The following MMS22L variants were observed in gnomAD, a reference collection of about 807,000 sequenced individuals.
The protein encoded by MMS22L is MMS22 like, DNA repair protein.
Under a neutral mutation model 159.1 loss-of-function variants are expected in MMS22L, and 74 were observed. The observed-to-expected ratio is 0.47, with a 90% CI of 0.39 to 0.56. MMS22L has a LOEUF of 0.56. Ranked by LOEUF, MMS22L falls within the 20% of genes least tolerant of loss-of-function variation. The pLI is 0.00. For synonymous variants in MMS22L, 517 were observed against 506.9 expected (o/e 1.02, Z -0.27); for missense variants, 1,351 against 1,422.1 (o/e 0.95, Z 0.80).
intron 14 of MMS22L, among the ~76,000 whole-genome samples, chr6:97,199,703 T>C (rs960285004): frequency 3.3e-5 from 5 of 152,008 alleles, no homozygotes; most frequent in Admixed American, 2.6e-4. Context: ...TGACTTGTTT[T>C]TTTTTTTCTT....
chr6:97,213,034 G>A (rs1808557056), intron 14 of MMS22L, among the ~76,000 whole-genome samples: 1 of 152,140 alleles, frequency 6.6e-6, no homozygotes, highest in Non-Finnish European at 1.5e-5. Flanking sequence ...AACAGTGCAT[G>A]AGCACATTGT....
rs1439000113 is a variant in MMS22L at position 97,162,107 on chromosome 6, C to T, written c.3280G>A (p.Ala1094Thr). ...TCCTTGAAGAGTTGGAGGATGAAGG[C>T]CAGAATGGATGCTAAGCGAGGAGGA... ...SPPPRLASIL[A>T]FILQLFKETN... The change falls in exon 22 of 25, where the codon GCC (alanine) becomes ACC (threonine). Residue 1094 changes from alanine to threonine, a missense_variant. Transcript: ENST00000683635. The T allele has an allele frequency of 1.2e-6, 2 of 1,611,754 alleles. No individual in the cohort carries two copies. Among genetic ancestry groups the T allele is most frequent in the Non-Finnish European group, 1.7e-6 (2 of 1,178,922 alleles).
At chr6:97,179,149 C>T (rs1301647535) in intron 17 of MMS22L, among the ~76,000 whole-genome samples, 1 of 152,014 alleles carries the variant, frequency 6.6e-6, no homozygotes, top group Non-Finnish European at 1.5e-5. Flanking sequence ...AAGCAAATTT[C>T]TGTCCTTGGC....
chr6:97,258,605 C>T (rs1471999040), intron 9 of MMS22L: 2 of 151,994 alleles, frequency 1.3e-5, no homozygotes, highest in African/African-American at 4.8e-5. Context: ...TTCATGCTGG[C>T]TTTCCTTCTT....
chr6:97,259,193 C>T (rs1000549630), intron 9 of MMS22L: 5 of 152,150 alleles, frequency 3.3e-5, no homozygotes, highest in African/African-American at 1.2e-4. Context: ...TTATTTCTAT[C>T]ATTTAACAAT....
At position 97,254,711 on chromosome 6, in the gene MMS22L, T is replaced by C; in HGVS notation, c.965A>G (p.Lys322Arg). The change falls in exon 10 of 25, where the codon AAA becomes AGA. Residue 322 changes from lysine (K) to arginine (R), a missense_variant. Physicochemically the swap from Lys to Arg is conservative, Grantham distance 26. Transcript: ENST00000683635. The stretch of plus-strand genomic sequence containing the variant: ...TTTTTCAAGCAGTGTTTTAAGTAGT[T>C]TATTCAACCAGTTCCAAAATGACTA... The part of the protein sequence containing the change: ...VSESFWNWLN[K>R]LLKTLLEKSS... 1 of 1,603,882 alleles carries C rather than the reference T, an allele frequency of 6.2e-7. No homozygotes were observed. Among genetic ancestry groups the C allele is most frequent in the Non-Finnish European group, 8.5e-7 (1 of 1,176,920 alleles).
In MMS22L at chr6:97,143,023, A is replaced by G. The variant is rs1007922948; in HGVS notation, c.*3783T>C. Reference sequence around the variant, plus strand: ...TCTAATGCAAATGAACTCAATACTGAATGACTTTTCCACAGTCCTCCATGC... The same window carrying G: ...TCTAATGCAAATGAACTCAATACTGGATGACTTTTCCACAGTCCTCCATGC... On this transcript the variant is annotated 3_prime_UTR_variant, in exon 25 of 25. Transcript: ENST00000683635. The G allele has an allele frequency of 3.9e-5, 6 of 152,578 alleles. No homozygotes were observed. Among genetic ancestry groups the G allele is most frequent in the African/African-American group, 1.2e-4 (5 of 41,444 alleles). 9.5% of individuals were successfully genotyped at this position (152,578 alleles called of 1,614,324 possible). A position where few individuals can be genotyped will look rare whatever the true frequency, so the allele number is the denominator to read the frequency against.
chr6:97,233,375 A>G (rs2128004531), intron 12 of MMS22L, among the ~76,000 whole-genome samples: 1 of 152,224 alleles, frequency 6.6e-6, no homozygotes, highest in East Asian at 1.9e-4. Flanking sequence ...GCCAAGTTCA[A>G]AAATTATGAC....
At chr6:97,260,567 T>C (rs975844064) in intron 9 of MMS22L, 1 of 152,246 alleles carries the variant, frequency 6.6e-6, no homozygotes, top group African/African-American at 2.4e-5. Context: ...GAGTATCTTA[T>C]TCAAGGTGTT....
intron 20 of MMS22L, among the ~76,000 whole-genome samples, chr6:97,166,431 AT>A (rs1802963763): frequency 1.3e-5 from 2 of 152,138 alleles, no homozygotes; most frequent in African/African-American, 2.4e-5. Context: ...CCAATAAGAA[AT>A]TCTGAAAGTT....
At chr6:97,219,412 C>T (rs1809384732) in intron 14 of MMS22L, among the ~76,000 whole-genome samples, 1 of 152,186 alleles carries the variant, frequency 6.6e-6, no homozygotes, top group South Asian at 2.1e-4. Context: ...CTTTCTGCTG[C>T]TATCCACTAC....
chr6:97,190,532 T>C (rs1805758142), intron 14 of MMS22L, among the ~76,000 whole-genome samples: 1 of 152,164 alleles, frequency 6.6e-6, no homozygotes, highest in Non-Finnish European at 1.5e-5. Flanking sequence ...ATTTGCTGAA[T>C]GTCAAGTTAT....
intron 11 of MMS22L, among the ~76,000 whole-genome samples, chr6:97,238,633 G>A (rs1811707449): frequency 6.7e-6 from 1 of 150,196 alleles, no homozygotes; most frequent in Non-Finnish European, 1.5e-5. Flanking sequence ...GAGAGAATAT[G>A]AGCTATTTAA....
chr6:97,268,840 T>A (rs1469387639), intron 7 of MMS22L, among the ~76,000 whole-genome samples: 2 of 152,064 alleles, frequency 1.3e-5, no homozygotes, highest in African/African-American at 4.8e-5. Flanking sequence ...TACATCTTCA[T>A]ATGTTTCTGT....
intron 18 of MMS22L, among the ~76,000 whole-genome samples, chr6:97,175,263 A>G (rs1307593897): frequency 6.6e-6 from 1 of 152,220 alleles, no homozygotes; most frequent in African/African-American, 2.4e-5. Flanking sequence ...TTTATGCCTG[A>G]CTTAATAAAA....
intron 14 of MMS22L, among the ~76,000 whole-genome samples, chr6:97,206,635 C>T (rs1207615169): frequency 6.6e-6 from 1 of 152,062 alleles, no homozygotes; most frequent in Non-Finnish European, 1.5e-5. Flanking sequence ...CAAAAGTACA[C>T]TTGGAGAAGT....
intron 12 of MMS22L, 50 bp downstream of exon 12, chr6:97,233,811 T>G: frequency 1.3e-6 from 2 of 1,546,218 alleles, no homozygotes; most frequent in Non-Finnish European, 1.7e-6. Context: ...TCCTCAAATA[T>G]GTACAAATTT....
chr6:97,202,567 G>GT (rs1807294596), intron 14 of MMS22L, among the ~76,000 whole-genome samples: 1 of 151,980 alleles, frequency 6.6e-6, no homozygotes, highest in African/African-American at 2.4e-5. Context: ...TTCTAATTTG[G>GT]TTTTTTAGAT....
At position 97,282,423 on chromosome 6, in the gene MMS22L, G is replaced by C; in HGVS notation, c.55C>G (p.Leu19Val). The change falls in exon 2 of 25, where the codon CTG becomes GTG. Residue 19 changes from leucine to valine, a missense_variant. Physicochemically the swap from Leu to Val is conservative, Grantham distance 32. Transcript: ENST00000683635. Reference protein sequence around the residue: ...TFLTDSLELELGTEWCKPPYF... With the variant: ...TFLTDSLELEVGTEWCKPPYF... ...GGAGGTTTGCACCATTCCGTCCCCA[G>C]CTCCAGCTCTAAGCTGTCAGTCAGG... 1 of 1,614,096 alleles carries C rather than the reference G, an allele frequency of 6.2e-7. No individual in the cohort carries two copies. The highest frequency in any genetic ancestry group is 8.5e-7 in the Non-Finnish European group (1 of 1,180,004).
Sources: allele counts gnomAD v4.1 joint callset (sites outside exome capture counted in the v4.1 genomes callset), GRCh38; gene constraint gnomAD v4.1.1; transcripts MANE v1.5; gene names NCBI Gene and HGNC (gene_info 2026-07-23, HGNC 2026-07-21).